Variants in PLRG1 observed in about 807,000 individuals in gnomAD.
PLRG1 encodes pleiotropic regulator 1 (PRL1 homolog, Arabidopsis).
In PLRG1, 28 loss-of-function variants were observed where a neutral mutation model predicts 74.9. That is an observed-to-expected ratio of 0.37 (90% confidence interval 0.28 to 0.51). The LOEUF (loss-of-function observed/expected upper bound fraction) is 0.51, where lower values mean the gene tolerates loss of function less well. Among genes scored for constraint, PLRG1 ranks in the 20% least tolerant of loss-of-function variants. The pLI is 0.91. For missense variants in PLRG1, 445 were observed against 631.9 expected (o/e 0.70, Z 3.17); for synonymous variants, 197 against 212.4 (o/e 0.93, Z 0.63).
chr4:154,549,628 A>G, intron 1 of PLRG1: 1 of 455,446 alleles, frequency 2.2e-6, no homozygotes, highest in Non-Finnish European at 4.4e-6. Context: ...TAGGGTCAGT[A>G]AAGGGTTTTA....
rs976749505 is a variant in PLRG1 at position 154,546,328 on chromosome 4, G to A, written c.314-115C>T. On this transcript the variant is annotated intron_variant, in intron 4 of 14. Transcript: ENST00000499023. ...CAAATGTTTATTATCTCCAGGCAGTGATATTATACAAATTTGATTAAGTTT... is the reference window on the plus strand; with the variant it reads ...CAAATGTTTATTATCTCCAGGCAGTAATATTATACAAATTTGATTAAGTTT... 8.1e-6 allele frequency: 5 copies of A among 620,650 alleles called. No homozygotes were observed. In the African/African-American group the frequency reaches 9.4e-5, roughly 12 times the overall value. 38.4% of individuals were successfully genotyped at this position (620,650 alleles called of 1,614,324 possible). A position where few individuals can be genotyped will look rare whatever the true frequency, so the allele number is the denominator to read the frequency against.
Position 154,547,773 on chromosome 4 carries a change from T to G in PLRG1, c.197A>C (p.Lys66Thr), listed in dbSNP as rs1375990887. 2 of 1,613,252 alleles carry G rather than the reference T, an allele frequency of 1.2e-6. No individual in the cohort carries two copies. Among genetic ancestry groups the G allele is most frequent in the Non-Finnish European group, 1.7e-6 (2 of 1,179,256 alleles). ...CGTTGCATTCTGAGGACCCTTCTCTTTAAGATTTTCTTTTGAAGTAGGCAT... is the reference window on the plus strand; with the variant it reads ...CGTTGCATTCTGAGGACCCTTCTCTGTAAGATTTTCTTTTGAAGTAGGCAT... Reference protein sequence around the residue: ...LHMPTSKENLKEKGPQNATDS... With the variant: ...LHMPTSKENLTEKGPQNATDS... The change falls in exon 3 of 15, where the codon AAA (lysine) becomes ACA (threonine). Residue 66 changes from lysine to threonine, a missense_variant. Lys to Thr is a moderately conservative substitution (Grantham distance 78). This residue lies in a region of PLRG1 where 206 missense variants were observed against 210.8 expected (regional missense o/e 0.98). Transcript: ENST00000499023.
chr4:154,547,110 C>G (rs766764237), intron 3 of PLRG1, 46 bp from the exon 4 acceptor site: 2 of 1,285,028 alleles, frequency 1.6e-6, no homozygotes. Flanking sequence ...TTACCTTATA[C>G]AAAAGTTATC....
intron 12 of PLRG1, 63 bp downstream of exon 12, chr4:154,539,042 G>C (rs1729507072): frequency 2.1e-6 from 2 of 954,472 alleles, no homozygotes; most frequent in African/African-American, 1.6e-5. Flanking sequence ...AACACCACTA[G>C]CATTTCAGCA....
chr4:154,542,026 A>G (rs951202044), intron 8 of PLRG1, 161 bp downstream of exon 8: 1 of 583,156 alleles, frequency 1.7e-6, no homozygotes, highest in Non-Finnish European at 3.1e-6. Flanking sequence ...ACAGATATTT[A>G]TTTAGAACAC....
chr4:154,535,015 TTTTC>T lies in PLRG1; in HGVS notation c.*1666_*1669del, dbSNP rs1232557722. 1.3e-5 allele frequency: 2 copies of T among 152,076 alleles called. No homozygotes were observed. Among genetic ancestry groups the T allele is most frequent in the Admixed American group, 6.6e-5 (1 of 15,242 alleles). The allele number at this position is 152,076 out of a possible 1,614,324, so 9.4% of individuals were successfully genotyped here. A position where few individuals can be genotyped will look rare whatever the true frequency, so the allele number is the denominator to read the frequency against. On this transcript the variant is annotated 3_prime_UTR_variant, in exon 15 of 15. Transcript: ENST00000499023. ...TCAGGAATGCAAGTGTAGTGTTCTT[TTTTC>T]TTTATTTAAGTTTACGAAATACATG...
intron 11 of PLRG1, 67 bp downstream of exon 11, chr4:154,539,884 A>G: frequency 1.2e-6 from 1 of 816,420 alleles, no homozygotes; most frequent in Non-Finnish European, 2.2e-6. Flanking sequence ...TGAATATTAA[A>G]AGTATATGTA....
intron 14 of PLRG1, among the ~76,000 whole-genome samples, 162 bp downstream of exon 14, chr4:154,537,124 G>T (rs75268918): frequency 6.6e-6 from 1 of 151,932 alleles, no homozygotes; most frequent in Non-Finnish European, 1.5e-5. Flanking sequence ...TGGATTCACT[G>T]GCATCAGTGA....
Position 154,545,899 on chromosome 4 carries a change from A to G in PLRG1, c.429T>C (p.Pro143=). ...CAGGATGTCGGTATTCACTTCCACTAGGGGCAGTACGATTTGCATCAGCCC... is the reference window on the plus strand; with the variant it reads ...CAGGATGTCGGTATTCACTTCCACTGGGGGCAGTACGATTTGCATCAGCCC... ...QTKADANRTA[P]SGSEYRHPGA... is the part of the protein sequence containing the mutation. The change falls in exon 6 of 15, where the codon CCT becomes CCC. Residue 143 remains proline (P), a synonymous_variant. Coordinates refer to ENST00000499023, the MANE Select transcript of PLRG1 (RefSeq NM_002669.4). The G allele has an allele frequency of 6.2e-7, 1 of 1,611,748 alleles. No individual in the cohort carries two copies. The highest frequency in any genetic ancestry group is 8.5e-7 in the Non-Finnish European group (1 of 1,178,016).
intron 8 of PLRG1, chr4:154,541,848 T>A: frequency 4.9e-6 from 1 of 205,126 alleles, no homozygotes. Context: ...AATGGTAGGA[T>A]TATATACAGG....
intron 10 of PLRG1, 164 bp from the exon 11 acceptor site, chr4:154,540,217 A>T: frequency 1.7e-6 from 1 of 594,846 alleles, no homozygotes; most frequent in East Asian, 2.8e-5. Flanking sequence ...TGGAGGACGA[A>T]TATAAATAGG....
intron 6 of PLRG1, among the ~76,000 whole-genome samples, chr4:154,545,129 C>A: frequency 6.6e-6 from 1 of 152,078 alleles, no homozygotes; most frequent in Non-Finnish European, 1.5e-5. Flanking sequence ...AAAGTTCCTG[C>A]CCTCAAGAAG....
intron 10 of PLRG1, 23 bp from the exon 11 acceptor site, chr4:154,540,076 T>C (rs887469434): frequency 1.6e-6 from 2 of 1,225,916 alleles, no homozygotes; most frequent in Admixed American, 3.4e-5. Context: ...AATAGACATA[T>C]TAGGAAAGAG....
At chr4:154,539,839 AAC>A (rs1159634645) in intron 11 of PLRG1, 110 bp downstream of exon 11, 2 of 703,552 alleles carry the variant, frequency 2.8e-6, no homozygotes, top group South Asian at 3.1e-5. Flanking sequence ...ATGACACAGA[AAC>A]ACTGTAAACA....
Position 154,538,097 on chromosome 4 carries a change from G to A in PLRG1, c.1163C>T (p.Ala388Val), listed in dbSNP as rs1729484621. Residue 388 changes from alanine to valine, a missense_variant, in exon 13 of 15, where the codon GCA (alanine) becomes GTA (valine). By Grantham distance (64) the Ala-to-Val change is moderately conservative. Coordinates refer to ENST00000499023, the MANE Select transcript of PLRG1 (RefSeq NM_002669.4). ...VVLHPRHYTF[A>V]SGSPDNIKQW... ...CTTTATGTTATCTGGAGAACCAGAT[G>A]CAAATGTGTAACTGAAATAATATTA... 2 of 1,450,182 alleles carry A rather than the reference G, an allele frequency of 1.4e-6. No homozygotes were observed. Among genetic ancestry groups the A allele is most frequent in the Non-Finnish European group, 9.4e-7 (1 of 1,063,532 alleles). 89.8% of individuals were successfully genotyped at this position (1,450,182 alleles called of 1,614,324 possible).
chr4:154,541,997 T>G, intron 8 of PLRG1, 190 bp downstream of exon 8: 1 of 549,116 alleles, frequency 1.8e-6, no homozygotes, highest in Non-Finnish European at 3.3e-6. Context: ...GAAAAAGTGG[T>G]TTAAATAGCA....
chr4:154,544,492 G>A lies in PLRG1; in HGVS notation c.547C>T (p.Pro183Ser). 6.2e-7 allele frequency: 1 copy of A among 1,612,896 alleles called. No individual in the cohort carries two copies. Among genetic ancestry groups the A allele is most frequent in the South Asian group, 1.1e-5 (1 of 91,048 alleles). The change falls in exon 7 of 15, where the codon CCT (proline) becomes TCT (serine). Residue 183 changes from proline (P) to serine (S), a missense_variant. Physicochemically the swap from Pro to Ser is moderately conservative, Grantham distance 74. This residue lies in a region of PLRG1 where 206 missense variants were observed against 210.8 expected (regional missense o/e 0.98). Transcript: ENST00000499023. ...KNSALMAKKA[P>S]TMPKPQWHPP... ...TGCCACTGGGGTTTTGGCATTGTAG[G>A]GGCTTTTTTAGCCATCAGTGCAGAG...
At chr4:154,549,064 G>A in intron 1 of PLRG1, 129 bp from the exon 2 acceptor site, 2 of 658,030 alleles carry the variant, frequency 3.0e-6, no homozygotes, top group South Asian at 3.0e-5. Flanking sequence ...ATAGCTACTT[G>A]TTGCAAGCTA....
intron 3 of PLRG1, 36 bp downstream of exon 3, chr4:154,547,675 A>G: frequency 1.9e-6 from 3 of 1,584,184 alleles, no homozygotes; most frequent in Non-Finnish European, 2.6e-6. Flanking sequence ...TAAAATTCAC[A>G]TATAAGTCTG....
Sources: gnomAD v4.1 joint callset for allele counts (sites outside exome capture counted in the v4.1 genomes callset) on GRCh38, gnomAD v4.1.1 for gene constraint, gnomAD v4.1.1 regional missense constraint, MANE v1.5 for transcripts, NCBI Gene and HGNC (gene_info 2026-07-23, HGNC 2026-07-21) for gene names.